Variants in HS3ST4 observed in about 807,000 individuals in gnomAD.
HS3ST4 encodes heparan sulfate glucosamine 3-O-sulfotransferase 4.
In HS3ST4, 17 loss-of-function variants were observed where a neutral mutation model predicts 29.2. That is an observed-to-expected ratio of 0.58 (90% CI 0.40 to 0.87). HS3ST4 has a LOEUF of 0.87. Ranked by LOEUF, HS3ST4 falls within the 40% of genes least tolerant of loss-of-function variation. The pLI, the probability that HS3ST4 is intolerant of heterozygous loss-of-function variation, is 0.00. For synonymous variants in HS3ST4, 314 were observed against 285.7 expected, an observed-to-expected ratio of 1.10 and a Z score of -1.00; for missense variants, 627 against 634.5, an observed-to-expected ratio of 0.99 and a Z score of 0.13.
chr16:25,953,481 A>G (rs919723339), intron 1 of HS3ST4, among the ~76,000 whole-genome samples: 1 of 152,200 alleles, frequency 6.6e-6, no homozygotes, highest in South Asian at 2.1e-4. Context: ...CAGTGAGGCC[A>G]TGTAAGTTCT....
At chr16:25,909,668 G>C (rs150440241) in intron 1 of HS3ST4, among the ~76,000 whole-genome samples, 1 of 152,146 alleles carries the variant, frequency 6.6e-6, no homozygotes, top group Non-Finnish European at 1.5e-5. Flanking sequence ...GAGATCCAGC[G>C]GGTTTCTACT....
chr16:26,041,565 C>T (rs916363075), intron 1 of HS3ST4, among the ~76,000 whole-genome samples: 1 of 151,998 alleles, frequency 6.6e-6, no homozygotes, highest in East Asian at 1.9e-4. Context: ...CATTGGTCTA[C>T]ATCAGAAGTA....
chr16:25,697,150 A>C (rs1966303797), intron 1 of HS3ST4, among the ~76,000 whole-genome samples: 1 of 152,220 alleles, frequency 6.6e-6, no homozygotes, highest in Non-Finnish European at 1.5e-5. Context: ...TATGCCGTGC[A>C]CTGTATTAGG....
intron 1 of HS3ST4, among the ~76,000 whole-genome samples, chr16:25,772,602 A>T (rs1038362721): frequency 9.2e-5 from 14 of 152,160 alleles, no homozygotes; most frequent in Admixed American, 8.5e-4. Context: ...ATGGGCTTTT[A>T]TTCAGAACCT....
At chr16:25,982,954 T>A (rs1969023261) in intron 1 of HS3ST4, among the ~76,000 whole-genome samples, 1 of 152,238 alleles carries the variant, frequency 6.6e-6, no homozygotes, top group Admixed American at 6.5e-5. Context: ...GAACATTAGC[T>A]GGGTGGCAGG....
intron 1 of HS3ST4, among the ~76,000 whole-genome samples, chr16:25,958,796 G>A (rs1968762911): frequency 6.6e-6 from 1 of 152,122 alleles, no homozygotes; most frequent in African/African-American, 2.4e-5. Context: ...TTCTCCTCAT[G>A]GCTGGTGTTG....
intron 1 of HS3ST4, chr16:25,824,804 A>G (rs1967199746): frequency 6.6e-6 from 1 of 152,230 alleles, no homozygotes. Context: ...ATGACTATCA[A>G]GTCATATATA....
At chr16:26,077,831 G>A (rs1298081745) in intron 1 of HS3ST4, among the ~76,000 whole-genome samples, 2 of 152,200 alleles carry the variant, frequency 1.3e-5, no homozygotes, top group Non-Finnish European at 2.9e-5. Context: ...AACACTTTAG[G>A]AATCTGAAGC....
intron 1 of HS3ST4, among the ~76,000 whole-genome samples, chr16:25,860,163 G>A (rs1000946618): frequency 6.6e-6 from 1 of 152,168 alleles, no homozygotes; most frequent in Admixed American, 6.5e-5. Flanking sequence ...AAAGGGTTGA[G>A]ACCCCTGCTA....
intron 1 of HS3ST4, among the ~76,000 whole-genome samples, chr16:26,088,481 T>C (rs1898815974): frequency 6.6e-6 from 1 of 152,212 alleles, no homozygotes; most frequent in Non-Finnish European, 1.5e-5. Context: ...AATGTATAGT[T>C]GGTTGAGGCG....
rs931443461 is a variant in HS3ST4, at chr16:26,136,029, G to A, written c.1152G>A (p.Lys384=). 6.2e-7 allele frequency: 1 copy of A among 1,613,852 alleles called. No individual in the cohort carries two copies. The highest frequency in any genetic ancestry group is 1.3e-5 in the African/African-American group (1 of 74,926). Residue 384 remains lysine (K), a synonymous_variant, in exon 2 of 2, where the codon AAG becomes AAA. Transcript: ENST00000331351. The part of the protein sequence containing the change: ...FLGLKRVVTE[K]HFYFNKTKGF... ...GCCTCAAACGTGTTGTGACTGAGAA[G>A]CATTTCTATTTCAACAAAACCAAGG...
At chr16:25,997,965 G>A (rs765710282) in intron 1 of HS3ST4, among the ~76,000 whole-genome samples, 1 of 152,172 alleles carries the variant, frequency 6.6e-6, no homozygotes, top group Non-Finnish European at 1.5e-5. Flanking sequence ...GCCAGGCATG[G>A]TGATTCATGC....
intron 1 of HS3ST4, among the ~76,000 whole-genome samples, chr16:25,859,772 C>A (rs529735951): frequency 1.4e-4 from 21 of 152,292 alleles, no homozygotes; most frequent in African/African-American, 5.1e-4. Flanking sequence ...TGTTCCCCAT[C>A]ATATGTCATT....
intron 1 of HS3ST4, among the ~76,000 whole-genome samples, chr16:25,923,360 G>A (rs56408964): frequency 0.13 from 20,328 of 152,130 alleles, 1,656 homozygotes; most frequent in African/African-American, 0.22. Flanking sequence ...ATTCTTTTCT[G>A]TGTCTCTATG....
At chr16:25,873,478 C>CTA (rs774345744) in intron 1 of HS3ST4, among the ~76,000 whole-genome samples, 1,904 of 11,504 alleles carry the variant, frequency 0.17, 41 homozygotes, top group Non-Finnish European at 0.2. Flanking sequence ...ATCCATCTAT[C>CTA]TCTCTATCTA....
intron 1 of HS3ST4, among the ~76,000 whole-genome samples, chr16:25,749,350 C>G (rs1408107012): frequency 6.6e-6 from 1 of 152,030 alleles, no homozygotes; most frequent in Non-Finnish European, 1.5e-5. Context: ...AAAAAATTAG[C>G]TGGGCGTGGT....
At chr16:25,775,455 C>T (rs1290935733) in intron 1 of HS3ST4, among the ~76,000 whole-genome samples, 1 of 152,160 alleles carries the variant, frequency 6.6e-6, no homozygotes, top group South Asian at 2.1e-4. Flanking sequence ...CTCACCTAAC[C>T]ACTTGTTGGC....
intron 1 of HS3ST4, among the ~76,000 whole-genome samples, chr16:25,928,805 A>G (rs561506231): frequency 6.6e-6 from 1 of 152,210 alleles, no homozygotes; most frequent in East Asian, 1.9e-4. Context: ...GCATTCTCGA[A>G]TTACCAGAAT....
chr16:26,082,668 C>T (rs1898737836), intron 1 of HS3ST4, among the ~76,000 whole-genome samples: 1 of 152,154 alleles, frequency 6.6e-6, no homozygotes, highest in African/African-American at 2.4e-5. Flanking sequence ...GTACATGCTG[C>T]AGATGTTAAG....
Sources: allele counts gnomAD v4.1 joint callset (sites outside exome capture counted in the v4.1 genomes callset), GRCh38; gene constraint gnomAD v4.1.1; transcripts MANE v1.5; gene names NCBI Gene and HGNC (gene_info 2026-07-23, HGNC 2026-07-21).